Variants in ST3GAL2 observed in about 807,000 individuals in gnomAD.
ST3GAL2 encodes CMP-N-acetylneuraminate-beta-galactosamide-alpha-2,3-sialyltransferase 2.
ST3GAL2 carries 16 observed loss-of-function variants against 37.5 expected under a neutral mutation model. The ratio of observed to expected loss-of-function variants is 0.43; its 90% CI spans 0.29 to 0.65. The LOEUF (loss-of-function observed/expected upper bound fraction) is 0.65, where lower values mean the gene tolerates loss of function less well. Ranked by LOEUF, ST3GAL2 falls within the 30% of genes least tolerant of loss-of-function variation. The pLI, the probability that ST3GAL2 is intolerant of heterozygous loss-of-function variation, is 0.17. For synonymous variants in ST3GAL2, 238 were observed against 202.9 expected, an observed-to-expected ratio of 1.17 and a Z score of -1.47; for missense variants, 383 against 487.8, an observed-to-expected ratio of 0.79 and a Z score of 2.02.
At chr16:70,414,647 G>C (rs1390862669) in intron 1 of ST3GAL2, among the ~76,000 whole-genome samples, 2 of 152,072 alleles carry the variant, frequency 1.3e-5, no homozygotes, top group Non-Finnish European at 2.9e-5. Flanking sequence ...CAGCCAAGCA[G>C]GTTACTTTTC....
intron 3 of ST3GAL2, among the ~76,000 whole-genome samples, chr16:70,393,332 C>T (rs1220582764): frequency 6.6e-6 from 1 of 152,180 alleles, no homozygotes; most frequent in Admixed American, 6.5e-5. Flanking sequence ...CCTGCCTCAG[C>T]CTCCTAAAGT....
chr16:70,403,411 G>A (rs2047568920), intron 1 of ST3GAL2, among the ~76,000 whole-genome samples: 1 of 152,198 alleles, frequency 6.6e-6, no homozygotes, highest in African/African-American at 2.4e-5. Flanking sequence ...GCCAGCTGTG[G>A]TGGCTCATGT....
chr16:70,430,585 C>G (rs564057252), intron 1 of ST3GAL2, among the ~76,000 whole-genome samples: 1 of 152,300 alleles, frequency 6.6e-6, no homozygotes, highest in East Asian at 1.9e-4. Context: ...TCCTCCTACC[C>G]ATGGACCTGG....
rs1469099266 is a variant in ST3GAL2 at position 70,378,607 on chromosome 16, C to T, written c.*3082G>A. On this transcript the variant is annotated 3_prime_UTR_variant, in exon 7 of 7. Transcript: ENST00000342907. ...GTCTCAGCTACTCGGGAGACTGAGG[C>T]AGGAGAATGGCGTGAACCCGGGAGG... 2.0e-5 allele frequency: 3 copies of T among 146,420 alleles called. No homozygotes were observed. The East Asian group carries it at 6.2e-4, about 30-fold the overall frequency. 9.1% of individuals were successfully genotyped at this position (146,420 alleles called of 1,614,324 possible). A position where few individuals can be genotyped will look rare whatever the true frequency, so the allele number is the denominator to read the frequency against.
rs530516710 is a variant in ST3GAL2 at position 70,418,831 on chromosome 16, T to C, written c.-1003-19298A>G. 7.9e-5 allele frequency among the ~76,000 whole-genome samples: 12 copies of C among 152,136 alleles called. No homozygotes were observed. In the East Asian group the frequency reaches 2.1e-3, roughly 27 times the overall value. On this transcript the variant is annotated intron_variant, in intron 1 of 6. Transcript: ENST00000342907. Reference sequence around the variant, plus strand: ...CAAAGCGGGCGATTTCTCCAGGTAATCTTCAACCCTCTCCTCCCCCACCCA... The same window carrying C: ...CAAAGCGGGCGATTTCTCCAGGTAACCTTCAACCCTCTCCTCCCCCACCCA...
intron 5 of ST3GAL2, 131 bp downstream of exon 5, chr16:70,383,059 G>C (rs2047417192): frequency 6.3e-7 from 1 of 1,580,818 alleles, no homozygotes; most frequent in Middle Eastern, 1.7e-4. Flanking sequence ...GCACCTGCTA[G>C]GGTCAGGCAT....
rs1485373326 is a variant in ST3GAL2, at chr16:70,398,974, C to T, written c.-444G>A. ...TCATGAGCAGACAATGAGGCGGCCC[C>T]TCGTTCCCGGCAGCGGGGAAGCCCT... On this transcript the variant is annotated 5_prime_UTR_variant, in exon 2 of 7. Transcript: ENST00000342907. The T allele has an allele frequency of 2.4e-6, 1 of 414,654 alleles. No individual in the cohort carries two copies. Among genetic ancestry groups the T allele is most frequent in the African/African-American group, 2.0e-5 (1 of 49,018 alleles). The allele number at this position is 414,654 out of a possible 1,614,324, so 25.7% of individuals were successfully genotyped here. A position where few individuals can be genotyped will look rare whatever the true frequency, so the allele number is the denominator to read the frequency against.
chr16:70,421,344 C>G (rs1188927909), intron 1 of ST3GAL2, among the ~76,000 whole-genome samples: 1 of 152,222 alleles, frequency 6.6e-6, no homozygotes, highest in Non-Finnish European at 1.5e-5. Context: ...TGAGCCTTAT[C>G]CCCGGGGTGA....
At chr16:70,405,540 TAAAAAAAAAAAA>T (rs58998342) in intron 1 of ST3GAL2, among the ~76,000 whole-genome samples, 2 of 101,484 alleles carry the variant, frequency 2.0e-5, no homozygotes, top group South Asian at 6.8e-4. Context: ...GACTCCGTCT[TAAAAAAAAAAAA>T]AAAAAAAAAA....
intron 2 of ST3GAL2, among the ~76,000 whole-genome samples, 164 bp downstream of exon 2, chr16:70,398,028 C>T (rs559960596): frequency 6.6e-6 from 1 of 152,202 alleles, no homozygotes; most frequent in Non-Finnish European, 1.5e-5. Flanking sequence ...TAGCCCCCTC[C>T]ATCAGGTCAG....
chr16:70,392,727 C>G lies in ST3GAL2; in HGVS notation c.533+2255G>C, dbSNP rs764550638. The stretch of plus-strand genomic sequence containing the variant: ...CTCAGCCCTCCAGTGGGTCTTGCTT[C>G]CAGGGCCATTGGTTCCAAACTTGGA... On this transcript the variant is annotated intron_variant, in intron 3 of 6. Coordinates refer to ENST00000342907, the MANE Select transcript of ST3GAL2 (RefSeq NM_006927.4). Among the ~76,000 whole-genome samples, 14 of 152,278 alleles carry G rather than the reference C, an allele frequency of 9.2e-5. No homozygotes were observed. The South Asian group carries it at 1.2e-3, about 14-fold the overall frequency.
At chr16:70,437,024 C>T (rs528075334) in intron 1 of ST3GAL2, among the ~76,000 whole-genome samples, 1 of 152,154 alleles carries the variant, frequency 6.6e-6, no homozygotes, top group Non-Finnish European at 1.5e-5. Context: ...GGTGCCTTCT[C>T]GAGAAGAGTG....
Position 70,395,090 on chromosome 16 carries a change from C to T in ST3GAL2, c.425G>A (p.Arg142His), listed in dbSNP as rs2047506502. Reference sequence around the variant, plus strand: ...CCGGCACTGGTGGGGGTCCCGGAAGCGGTAGGGGTTCTCGCCAGGCACTAT... The same window carrying T: ...CCGGCACTGGTGGGGGTCCCGGAAGTGGTAGGGGTTCTCGCCAGGCACTAT... ...FQIVPGENPY[R>H]FRDPHQCRRC... Residue 142 changes from arginine (R) to histidine (H), a missense_variant, in exon 3 of 7, where the codon CGC (arginine) becomes CAC (histidine). Arg to His is a conservative substitution (Grantham distance 29). Transcript: ENST00000342907. 8 of 1,613,956 alleles carry T rather than the reference C, an allele frequency of 5.0e-6. 1 individual carries two copies. The highest frequency in any genetic ancestry group is 2.2e-5 in the South Asian group (2 of 91,042).
chr16:70,430,317 T>C (rs1387276880), intron 1 of ST3GAL2, among the ~76,000 whole-genome samples: 1 of 152,254 alleles, frequency 6.6e-6, no homozygotes, highest in African/African-American at 2.4e-5. Context: ...AGCTGGGCAC[T>C]GCCACTTGAG....
intron 1 of ST3GAL2, among the ~76,000 whole-genome samples, chr16:70,413,418 T>C (rs558904876): frequency 6.8e-6 from 1 of 146,152 alleles, no homozygotes; most frequent in African/African-American, 2.5e-5. Flanking sequence ...TCTGTCTCTA[T>C]AAAAAATAAA....
chr16:70,381,644 C>A lies in ST3GAL2; in HGVS notation c.*45G>T. The A allele has an allele frequency of 6.3e-7, 1 of 1,598,336 alleles. No homozygotes were observed. The highest frequency in any genetic ancestry group is 1.1e-5 in the South Asian group (1 of 90,034). On this transcript the variant is annotated 3_prime_UTR_variant, in exon 7 of 7. Coordinates refer to ENST00000342907, the MANE Select transcript of ST3GAL2 (RefSeq NM_006927.4). ...TGGTCCTGGGTCCCGGGCCGGAGCCCCGGTGCCCGATAGATGGGCCGGAAG... is the reference window on the plus strand; with the variant it reads ...TGGTCCTGGGTCCCGGGCCGGAGCCACGGTGCCCGATAGATGGGCCGGAAG...
intron 4 of ST3GAL2, among the ~76,000 whole-genome samples, chr16:70,387,593 A>G (rs1394359759): frequency 2.0e-5 from 3 of 152,170 alleles, no homozygotes; most frequent in Non-Finnish European, 2.9e-5. Context: ...AATTAATTGT[A>G]GTCATGGTTA....
At chr16:70,430,648 G>A (rs1262920235) in intron 1 of ST3GAL2, among the ~76,000 whole-genome samples, 1 of 152,162 alleles carries the variant, frequency 6.6e-6, no homozygotes. Flanking sequence ...ACACTAAACA[G>A]GCCTGGATCC....
At chr16:70,407,499 C>A (rs1226393895) in intron 1 of ST3GAL2, among the ~76,000 whole-genome samples, 1 of 152,148 alleles carries the variant, frequency 6.6e-6, no homozygotes, top group Non-Finnish European at 1.5e-5. Flanking sequence ...GACCATTTAT[C>A]AATAAATGTC....
Sources: allele counts gnomAD v4.1 joint callset (sites outside exome capture counted in the v4.1 genomes callset), GRCh38; gene constraint gnomAD v4.1.1; transcripts MANE v1.5; gene names NCBI Gene and HGNC (gene_info 2026-07-23, HGNC 2026-07-21).